PEAK1: variants seen among roughly 807,000 people sequenced by gnomAD.
PEAK1 encodes pseudopodium enriched atypical kinase 1.
In PEAK1, 54 loss-of-function variants were observed where a neutral mutation model predicts 124.7. The observed-to-expected ratio is 0.43, with a 90% CI of 0.35 to 0.54. The LOEUF (loss-of-function observed/expected upper bound fraction) is 0.54, where lower values mean the gene tolerates loss of function less well. Among genes scored for constraint, PEAK1 ranks in the 20% least tolerant of loss-of-function variants. PEAK1 has a pLI of 0.01. For synonymous variants in PEAK1, 719 were observed against 760.0 expected (o/e 0.95, Z 0.89); for missense variants, 2,046 against 2,134.5 (o/e 0.96, Z 0.82).
intron 7 of PEAK1, among the ~76,000 whole-genome samples, chr15:77,159,177 T>G (rs1450111488): frequency 6.6e-6 from 1 of 152,202 alleles, no homozygotes; most frequent in Non-Finnish European, 1.5e-5. Flanking sequence ...AGGAATAAAG[T>G]TGAGATTAAA....
chr15:77,288,020 C>T (rs1393238322), intron 2 of PEAK1, among the ~76,000 whole-genome samples: 1 of 152,144 alleles, frequency 6.6e-6, no homozygotes, highest in African/African-American at 2.4e-5. Flanking sequence ...ACTCATCTCC[C>T]CATCTCTAAT....
chr15:77,138,601 T>C (rs2053521554), intron 8 of PEAK1, among the ~76,000 whole-genome samples: 2 of 152,210 alleles, frequency 1.3e-5, no homozygotes, highest in African/African-American at 4.8e-5. Context: ...CGGTGGCTTA[T>C]GCCTATAATC....
At chr15:77,118,150 G>A (rs568127408) in intron 9 of PEAK1, among the ~76,000 whole-genome samples, 1 of 152,278 alleles carries the variant, frequency 6.6e-6, no homozygotes, top group African/African-American at 2.4e-5. Flanking sequence ...GAAGAATAAT[G>A]AGTCACTCTA....
intron 5 of PEAK1, among the ~76,000 whole-genome samples, chr15:77,269,733 C>T (rs1030577804): frequency 2.6e-5 from 4 of 152,094 alleles, no homozygotes; most frequent in Non-Finnish European, 4.4e-5. Context: ...GACCATATGA[C>T]AGGCCACAAA....
Position 77,380,777 on chromosome 15 carries a change from C to T in PEAK1, c.-665-15552G>A, listed in dbSNP as rs570932102. Among the ~76,000 whole-genome samples the T allele has an allele frequency of 3.9e-5, 6 of 152,270 alleles. No individual in the cohort carries two copies. The South Asian group carries it at 1.2e-3, about 32-fold the overall frequency. On this transcript the variant is annotated intron_variant, in intron 1 of 9. Transcript: ENST00000682557. ...TACAGAAGTGAGCCACCATGACTGG[C>T]CAAAAATCAGTTATTATGCAACAAC...
chr15:77,259,352 A>T (rs2061326207), intron 5 of PEAK1, among the ~76,000 whole-genome samples: 1 of 152,170 alleles, frequency 6.6e-6, no homozygotes, highest in Non-Finnish European at 1.5e-5. Context: ...CAATTTTTAT[A>T]TTCTCAAGAA....
intron 5 of PEAK1, among the ~76,000 whole-genome samples, chr15:77,276,221 C>G (rs992434400): frequency 6.6e-6 from 1 of 152,038 alleles, no homozygotes; most frequent in Non-Finnish European, 1.5e-5. Context: ...AAAGACAAAA[C>G]CTACAGATTC....
chr15:77,367,595 T>TTGG (rs1317154416), intron 1 of PEAK1, among the ~76,000 whole-genome samples: 1 of 152,214 alleles, frequency 6.6e-6, no homozygotes, highest in Non-Finnish European at 1.5e-5. Context: ...ATTTGAAATG[T>TTGG]GTAATACATA....
chr15:77,196,935 G>A (rs989415880), intron 6 of PEAK1, among the ~76,000 whole-genome samples: 5 of 151,798 alleles, frequency 3.3e-5, no homozygotes, highest in Admixed American at 1.3e-4. Context: ...CTGCAGCCTC[G>A]ACCTCCCCAG....
At position 77,108,688 on chromosome 15, in the gene PEAK1, G is replaced by T. The variant is rs1376174609; in HGVS notation, c.*5468C>A. 6.6e-6 allele frequency: 1 copy of T among 152,072 alleles called. No individual in the cohort carries two copies. The highest frequency in any genetic ancestry group is 1.5e-5 in the Non-Finnish European group (1 of 68,016). The allele number at this position is 152,072 out of a possible 1,614,324, so 9.4% of individuals were successfully genotyped here. A position where few individuals can be genotyped will look rare whatever the true frequency, so the allele number is the denominator to read the frequency against. ...TATCCACACACTAACGGGCAAAGTG[G>T]GTTTTCTGTACTACAACAATATTCG... On this transcript the variant is annotated 3_prime_UTR_variant, in exon 10 of 10. Transcript: ENST00000682557.
intron 2 of PEAK1, chr15:77,349,812 G>A (rs1347059457): frequency 1.0e-6 from 1 of 985,096 alleles, no homozygotes; most frequent in African/African-American, 1.7e-5. Flanking sequence ...GCAGCTGAGG[G>A]GACAGCCAGG....
rs1384650217 is a variant in PEAK1 at position 77,313,672 on chromosome 15, G to GTA, written c.-602-27169_-602-27168insTA. Among the ~76,000 whole-genome samples, 126 of 114,506 alleles carry GTA rather than the reference G, an allele frequency of 1.1e-3. 2 individuals carry two copies. The highest frequency in any genetic ancestry group is 5.2e-3 in the African/African-American group (121 of 23,300). The allele number at this position is 114,506 out of a possible 152,430, so 75.1% of individuals were successfully genotyped here. A position where few individuals can be genotyped will look rare whatever the true frequency, so the allele number is the denominator to read the frequency against. ...TATGTATGTGTGTGTGTGTGTGTGT[G>GTA]TGTGTGTGTGTGTGTGTGTGTATAT... On this transcript the variant is annotated intron_variant, in intron 2 of 9. Transcript: ENST00000682557.
intron 7 of PEAK1, 48 bp from the exon 8 acceptor site, chr15:77,158,744 TA>T: frequency 6.3e-7 from 1 of 1,577,018 alleles, no homozygotes; most frequent in South Asian, 1.1e-5. Flanking sequence ...AAGGTTCTAC[TA>T]AAATTTAGAT....
intron 6 of PEAK1, among the ~76,000 whole-genome samples, chr15:77,245,474 G>A (rs1444220473): frequency 2.6e-5 from 4 of 152,212 alleles, no homozygotes; most frequent in Admixed American, 1.3e-4. Context: ...CAAGGCAGGC[G>A]GATTGCCTGA....
At chr15:77,139,822 A>G (rs2053630104) in intron 8 of PEAK1, among the ~76,000 whole-genome samples, 1 of 151,970 alleles carries the variant, frequency 6.6e-6, no homozygotes, top group Admixed American at 6.6e-5. Context: ...CATATAATAT[A>G]TATATAAATT....
At chr15:77,152,822 C>T (rs1648380825) in intron 8 of PEAK1, among the ~76,000 whole-genome samples, 1 of 152,258 alleles carries the variant, frequency 6.6e-6, no homozygotes, top group African/African-American at 2.4e-5. Context: ...ACCAGCCTTG[C>T]ATCCCAGGGA....
intron 2 of PEAK1, among the ~76,000 whole-genome samples, chr15:77,329,705 GCA>G (rs1050462889): frequency 6.6e-6 from 1 of 152,208 alleles, no homozygotes; most frequent in East Asian, 1.9e-4. Context: ...GAACTATATT[GCA>G]CAGTTTTTCA....
intron 1 of PEAK1, among the ~76,000 whole-genome samples, chr15:77,381,634 C>T (rs2069490519): frequency 6.6e-6 from 1 of 152,166 alleles, no homozygotes; most frequent in Admixed American, 6.5e-5. Context: ...AGAAAATCAT[C>T]CTTTTCAATT....
intron 2 of PEAK1, among the ~76,000 whole-genome samples, chr15:77,320,085 G>C (rs1203786323): frequency 6.6e-6 from 1 of 152,162 alleles, no homozygotes; most frequent in Non-Finnish European, 1.5e-5. Flanking sequence ...GAAGTAAAGA[G>C]CTTCTGAAAG....
Sources: allele counts gnomAD v4.1 joint callset (sites outside exome capture counted in the v4.1 genomes callset), GRCh38; gene constraint gnomAD v4.1.1; transcripts MANE v1.5; gene names NCBI Gene and HGNC (gene_info 2026-07-23, HGNC 2026-07-21).